ZC3H18: variants seen among roughly 807,000 people sequenced by gnomAD.
ZC3H18 encodes zinc finger CCCH domain-containing protein 18.
In ZC3H18, 8 loss-of-function variants were observed where a neutral mutation model predicts 106.1. That is an observed-to-expected ratio of 0.08 (90% confidence interval 0.04 to 0.14). ZC3H18 has a LOEUF of 0.14. ZC3H18 is among the 10% of genes least tolerant of loss of function. The pLI, the probability that ZC3H18 is intolerant of heterozygous loss-of-function variation, is 1.00. For synonymous variants in ZC3H18, 635 were observed against 522.1 expected (o/e 1.22, Z -2.95); for missense variants, 1,318 against 1,278.4 (o/e 1.03, Z -0.47).
chr16:88,604,474 C>T (rs1245431078), intron 6 of ZC3H18, among the ~76,000 whole-genome samples: 3 of 152,110 alleles, frequency 2.0e-5, no homozygotes, highest in African/African-American at 7.2e-5. Context: ...ATCACAGGGT[C>T]AGGAGATTGA....
At position 88,625,450 on chromosome 16, in the gene ZC3H18, C is replaced by T. The variant is rs1597359954; in HGVS notation, c.2108+183C>T. The stretch of plus-strand genomic sequence containing the variant: ...TGACACAGGAGAAAATGGGCCAGGA[C>T]TCGTGATAGGAAGACCCCCTCCCCC... On this transcript the variant is annotated intron_variant, in intron 13 of 17. Coordinates refer to ENST00000301011, the MANE Select transcript of ZC3H18 (RefSeq NM_144604.4). The T allele has an allele frequency of 2.7e-5, 19 of 691,724 alleles. No homozygotes were observed. The East Asian group carries it at 5.3e-4, about 19-fold the overall frequency. The allele number at this position is 691,724 out of a possible 1,614,324, so 42.8% of individuals were successfully genotyped here.
chr16:88,620,934 C>T (rs537743983), intron 8 of ZC3H18, among the ~76,000 whole-genome samples: 1 of 152,260 alleles, frequency 6.6e-6, no homozygotes, highest in Non-Finnish European at 1.5e-5. Flanking sequence ...GGCGCAGTCT[C>T]AGCTCACTGC....
chr16:88,607,787 C>A (rs1188212827), intron 6 of ZC3H18, among the ~76,000 whole-genome samples: 2 of 147,490 alleles, frequency 1.4e-5, no homozygotes, highest in African/African-American at 5.1e-5. Context: ...CAGGCATCTC[C>A]CCATTCACAT....
intron 3 of ZC3H18, among the ~76,000 whole-genome samples, chr16:88,589,598 C>T (rs1301468753): frequency 2.7e-5 from 4 of 147,884 alleles, no homozygotes; most frequent in Non-Finnish European, 5.9e-5. Flanking sequence ...TTGTGACTCA[C>T]GCCGCAACGT....
At chr16:88,582,488 A>C (rs1201897939) in intron 2 of ZC3H18, among the ~76,000 whole-genome samples, 1 of 152,114 alleles carries the variant, frequency 6.6e-6, no homozygotes, top group Non-Finnish European at 1.5e-5. Flanking sequence ...GTCTGGATCC[A>C]TGAGCTCTTC....
Position 88,628,807 on chromosome 16 carries a change from G to T in ZC3H18, c.2519G>T (p.Arg840Met), listed in dbSNP as rs1280264895. The T allele has an allele frequency of 6.2e-7, 1 of 1,614,028 alleles. No individual in the cohort carries two copies. Among genetic ancestry groups the T allele is most frequent in the Admixed American group, 1.7e-5 (1 of 60,000 alleles). ...CGCTATGAACCATCAGACAAGGACAGGCAGAGCCCTCCTCCAGCCAAGCGG... is the reference window on the plus strand; with the variant it reads ...CGCTATGAACCATCAGACAAGGACATGCAGAGCCCTCCTCCAGCCAAGCGG... ...RKRYEPSDKD[R>M]QSPPPAKRPN... is the part of the protein sequence containing the mutation. The change falls in exon 16 of 18, where the codon AGG (arginine) becomes ATG (methionine). Residue 840 changes from arginine to methionine, a missense_variant. By Grantham distance (91) the Arg-to-Met change is moderately conservative. Transcript: ENST00000301011.
intron 3 of ZC3H18, 122 bp downstream of exon 3, chr16:88,586,806 TAGGTGGTGGTGG>T: frequency 1.5e-6 from 1 of 668,576 alleles, no homozygotes; most frequent in Middle Eastern, 3.4e-4. Context: ...CATTACTGGC[TAGGTGGTGGTGG>T]TGGTGGTGGT....
rs1031989368 is a variant in ZC3H18, at chr16:88,627,996, A to C, written c.2346A>C (p.Ala782=). Reference sequence around the variant, plus strand: ...CGTCCACACAACCACCCAAATCTGCAAAACCTCCAGCAGGGGGGAAGTCCT... The same window carrying C: ...CGTCCACACAACCACCCAAATCTGCCAAACCTCCAGCAGGGGGGAAGTCCT... ...RDSSTQPPKS[A]KPPAGGKSSQ... Residue 782 remains alanine (A), a synonymous_variant, in exon 15 of 18, where the codon GCA becomes GCC. Coordinates refer to ENST00000301011, the MANE Select transcript of ZC3H18 (RefSeq NM_144604.4). The surrounding 1 kb of genome is among the most constrained non-coding windows in gnomAD (Gnocchi z 4.5). The C allele has an allele frequency of 3.1e-6, 5 of 1,614,182 alleles. No homozygotes were observed. The highest frequency in any genetic ancestry group is 3.3e-5 in the Admixed American group (2 of 60,026).
intron 8 of ZC3H18, among the ~76,000 whole-genome samples, chr16:88,616,281 GC>G (rs1253415059): frequency 1.3e-5 from 2 of 152,094 alleles, no homozygotes; most frequent in East Asian, 1.9e-4. Context: ...ACCAAACTGG[GC>G]CGAGCCGCTC....
intron 8 of ZC3H18, among the ~76,000 whole-genome samples, chr16:88,613,743 T>G (rs1905405319): frequency 6.6e-6 from 1 of 152,240 alleles, no homozygotes; most frequent in African/African-American, 2.4e-5. Context: ...CTTATCAGGT[T>G]CATGATGTGC....
At chr16:88,582,219 CTTTTTTTTTTTTT>C (rs71391393) in intron 2 of ZC3H18, among the ~76,000 whole-genome samples, 2 of 77,182 alleles carry the variant, frequency 2.6e-5, no homozygotes, top group East Asian at 4.2e-4. Context: ...TTTTTCTTTT[CTTTTTTTTTTTTT>C]TTTTTTTTTT....
chr16:88,585,291 T>C (rs372370447), intron 2 of ZC3H18, among the ~76,000 whole-genome samples: 5 of 152,366 alleles, frequency 3.3e-5, no homozygotes, highest in African/African-American at 9.6e-5. Flanking sequence ...ATGATGCAAA[T>C]ATTTAAGCTG....
At chr16:88,605,189 G>A (rs1358319996) in intron 6 of ZC3H18, among the ~76,000 whole-genome samples, 2 of 152,236 alleles carry the variant, frequency 1.3e-5, no homozygotes, top group African/African-American at 4.8e-5. Context: ...AGCCCCCTGA[G>A]TGAGCAGGGA....
chr16:88,621,083 C>T (rs1035703779), intron 8 of ZC3H18, among the ~76,000 whole-genome samples: 3 of 150,398 alleles, frequency 2.0e-5, no homozygotes, highest in Non-Finnish European at 4.4e-5. Flanking sequence ...CTTGCTCTGT[C>T]GCCCAGATTG....
At chr16:88,594,887 C>G (rs1257555134) in intron 3 of ZC3H18, among the ~76,000 whole-genome samples, 1 of 152,212 alleles carries the variant, frequency 6.6e-6, no homozygotes, top group Non-Finnish European at 1.5e-5. Flanking sequence ...CGTGGTGGTT[C>G]ATGCCTGTAA....
chr16:88,577,538 G>T lies in ZC3H18; in HGVS notation c.415G>T (p.Ala139Ser), dbSNP rs1166451102. 2 of 1,613,400 alleles carry T rather than the reference G, an allele frequency of 1.2e-6. No individual in the cohort carries two copies. Among genetic ancestry groups the T allele is most frequent in the Non-Finnish European group, 1.7e-6 (2 of 1,179,912 alleles). The stretch of plus-strand genomic sequence containing the variant: ...CGATGAGGAGGTTCCTGAGGAGCCA[G>T]CTCCCGCCGTCCAGGAGGACGAGGC... ...DYDEEVPEEPAPAVQEDEAEK... is the reference protein window; with the variant it reads ...DYDEEVPEEPSPAVQEDEAEK... The change falls in exon 2 of 18, where the codon GCT (alanine) becomes TCT (serine). Residue 139 changes from alanine (A) to serine (S), a missense_variant. Ala to Ser is a moderately conservative substitution (Grantham distance 99). Coordinates refer to ENST00000301011, the MANE Select transcript of ZC3H18 (RefSeq NM_144604.4).
intron 2 of ZC3H18, 85 bp from the exon 3 acceptor site, chr16:88,586,515 C>T (rs751000417): frequency 8.8e-7 from 1 of 1,130,180 alleles, no homozygotes; most frequent in Non-Finnish European, 1.3e-6. Flanking sequence ...GTTCCACACG[C>T]AGCTTCCTGC....
intron 1 of ZC3H18, among the ~76,000 whole-genome samples, chr16:88,575,088 C>T (rs1290002833): frequency 6.6e-6 from 1 of 151,762 alleles, no homozygotes; most frequent in Non-Finnish European, 1.5e-5. Context: ...CTCGGCCTCC[C>T]AAAGTGCTGG....
chr16:88,586,716 C>T (rs573893328), intron 3 of ZC3H18, 32 bp downstream of exon 3: 2 of 1,590,382 alleles, frequency 1.3e-6, no homozygotes, highest in Admixed American at 3.4e-5. Context: ...CTTCTCGCAG[C>T]CAGCTGGGGC....
Sources: allele counts gnomAD v4.1 joint callset (sites outside exome capture counted in the v4.1 genomes callset), GRCh38; gene constraint gnomAD v4.1.1; non-coding constraint Gnocchi (gnomAD v3.1); transcripts MANE v1.5; gene names NCBI Gene and HGNC (gene_info 2026-07-23, HGNC 2026-07-21).